The following SYT1 variants were observed in gnomAD, a reference collection of about 807,000 sequenced individuals.
SYT1 encodes the protein synaptotagmin-1.
A neutral mutation model predicts 44.8 loss-of-function variants in SYT1; 8 were observed. The ratio of observed to expected loss-of-function variants is 0.18; its 90% confidence interval spans 0.10 to 0.32. SYT1 has a LOEUF of 0.32. Ranked by LOEUF, SYT1 falls within the 10% of genes least tolerant of loss-of-function variation. SYT1 has a pLI of 1.00. For missense variants in SYT1, 286 were observed against 509.3 expected (o/e 0.56, Z 4.22); for synonymous variants, 154 against 188.8 (o/e 0.82, Z 1.51).
At chr12:79,446,470 AC>A (rs1870742799) in intron 10 of SYT1, among the ~76,000 whole-genome samples, 1 of 152,154 alleles carries the variant, frequency 6.6e-6, no homozygotes, top group African/African-American at 2.4e-5. Context: ...CACCTCAGTC[AC>A]TAATTTGACC....
At chr12:78,886,601 A>G (rs1450680188) in intron 1 of SYT1, among the ~76,000 whole-genome samples, 3 of 151,996 alleles carry the variant, frequency 2.0e-5, no homozygotes, top group African/African-American at 4.8e-5. Context: ...TAATCAGTAC[A>G]TACTCCTGAT....
chr12:79,004,741 T>C (rs1870964754), intron 2 of SYT1, among the ~76,000 whole-genome samples: 1 of 151,958 alleles, frequency 6.6e-6, no homozygotes, highest in African/African-American at 2.4e-5. Flanking sequence ...ACATTTCATT[T>C]CACAACAACA....
intron 9 of SYT1, among the ~76,000 whole-genome samples, chr12:79,385,168 G>A (rs554768099): frequency 6.6e-6 from 1 of 151,808 alleles, no homozygotes; most frequent in African/African-American, 2.4e-5. Flanking sequence ...TGTGTTTTTG[G>A]TAGAGACAGG....
chr12:79,416,979 G>A (rs1425633560), intron 9 of SYT1, among the ~76,000 whole-genome samples: 2 of 152,170 alleles, frequency 1.3e-5, no homozygotes, highest in East Asian at 1.9e-4. Context: ...GTGTGTGTGT[G>A]TTTTCTCTTC....
intron 1 of SYT1, among the ~76,000 whole-genome samples, chr12:78,911,299 G>C (rs1876311138): frequency 6.6e-6 from 1 of 151,922 alleles, no homozygotes; most frequent in African/African-American, 2.4e-5. Context: ...AATCCTAGGA[G>C]AGATGTCTTA....
intron 4 of SYT1, among the ~76,000 whole-genome samples, chr12:79,222,394 C>CTTTTTTCT (rs1170654751): frequency 2.6e-4 from 39 of 148,354 alleles, no homozygotes; most frequent in Non-Finnish European, 5.2e-4. Flanking sequence ...TTTCTTTTTT[C>CTTTTTTCT]TTTTTTTTGA....
intron 3 of SYT1, among the ~76,000 whole-genome samples, chr12:79,198,510 T>C (rs1873591198): frequency 3.9e-5 from 6 of 152,232 alleles, no homozygotes; most frequent in Admixed American, 2.6e-4. Flanking sequence ...TTTTATGCAA[T>C]ACACAGAAAA....
intron 8 of SYT1, among the ~76,000 whole-genome samples, chr12:79,345,253 A>G (rs1490495707): frequency 6.6e-6 from 1 of 152,202 alleles, no homozygotes; most frequent in Non-Finnish European, 1.5e-5. Flanking sequence ...AAGAACATGC[A>G]TTTGGGGTGG....
intron 3 of SYT1, among the ~76,000 whole-genome samples, chr12:79,098,855 C>T (rs182723834): frequency 6.6e-6 from 1 of 152,250 alleles, no homozygotes; most frequent in African/African-American, 2.4e-5. Flanking sequence ...TCTCCACGTG[C>T]CATTTTAGAA....
At chr12:79,046,889 G>C (rs928021455) in intron 2 of SYT1, among the ~76,000 whole-genome samples, 7 of 151,842 alleles carry the variant, frequency 4.6e-5, no homozygotes, top group African/African-American at 1.2e-4. Flanking sequence ...GGCTGTACAA[G>C]GTTGATTTGT....
chr12:79,108,272 G>A (rs1286567582), intron 3 of SYT1, among the ~76,000 whole-genome samples: 2 of 151,778 alleles, frequency 1.3e-5, no homozygotes, highest in Admixed American at 6.6e-5. Flanking sequence ...TTTTTAAAAA[G>A]TTGTTAAAGC....
intron 3 of SYT1, among the ~76,000 whole-genome samples, chr12:79,074,230 G>A (rs555149223): frequency 5.1e-4 from 78 of 152,044 alleles, no homozygotes; most frequent in Non-Finnish European, 7.5e-4. Flanking sequence ...TTTGAAAATC[G>A]TCCTCTATTT....
At chr12:78,966,157 C>T (rs969421808) in intron 1 of SYT1, among the ~76,000 whole-genome samples, 9 of 151,330 alleles carry the variant, frequency 5.9e-5, no homozygotes, top group African/African-American at 2.2e-4. Context: ...TTTACTATAT[C>T]TATTTTCTGT....
intron 3 of SYT1, among the ~76,000 whole-genome samples, chr12:79,079,960 T>C (rs910143213): frequency 6.6e-6 from 1 of 152,054 alleles, no homozygotes; most frequent in African/African-American, 2.4e-5. Flanking sequence ...CAATCTTAAA[T>C]TCAAATTTAA....
At chr12:79,024,954 C>A (rs75552650) in intron 2 of SYT1, among the ~76,000 whole-genome samples, 3,670 of 151,684 alleles carry the variant, frequency 0.024, 69 homozygotes, top group Middle Eastern at 0.078. Flanking sequence ...TTTATTGTGA[C>A]CTTTGATAGT....
At chr12:79,084,393 A>G (rs551817414) in intron 3 of SYT1, among the ~76,000 whole-genome samples, 3 of 152,268 alleles carry the variant, frequency 2.0e-5, no homozygotes, top group African/African-American at 7.2e-5. Context: ...CTAGTCTCCA[A>G]CTACCTTACA....
At chr12:79,290,046 CAATG>C (rs1242830772) in intron 5 of SYT1, among the ~76,000 whole-genome samples, 2 of 152,100 alleles carry the variant, frequency 1.3e-5, no homozygotes, top group African/African-American at 2.4e-5. Context: ...TTCAAAGAAA[CAATG>C]AAGCATAGAT....
intron 1 of SYT1, among the ~76,000 whole-genome samples, chr12:78,927,830 C>T (rs1282234886): frequency 6.6e-6 from 1 of 152,026 alleles, no homozygotes. Flanking sequence ...CCTAGCTAAC[C>T]GTCTATAGCA....
At chr12:78,992,768 C>G (rs1017403241) in intron 2 of SYT1, among the ~76,000 whole-genome samples, 1 of 152,148 alleles carries the variant, frequency 6.6e-6, no homozygotes, top group African/African-American at 2.4e-5. Flanking sequence ...TTTGGGCAGT[C>G]TTCTTGCTGT....
Sources: allele counts gnomAD v4.1 joint callset (sites outside exome capture counted in the v4.1 genomes callset), GRCh38; gene constraint gnomAD v4.1.1; transcripts MANE v1.5; gene names NCBI Gene and HGNC (gene_info 2026-07-23, HGNC 2026-07-21).